CCDC171: variants seen among roughly 807,000 people sequenced by gnomAD.
The protein encoded by CCDC171 is coiled-coil domain-containing protein 171.
Under a neutral mutation model 168.2 loss-of-function variants are expected in CCDC171, and 177 were observed. The ratio of observed to expected loss-of-function variants is 1.05; its 90% CI spans 0.93 to 1.19. The LOEUF is 1.19. CCDC171 is among the 50% of genes most tolerant of loss of function. The pLI is 0.00. For missense variants in CCDC171, 1,991 were observed against 1,539.0 expected, an observed-to-expected ratio of 1.29 and a Z score of -4.91; for synonymous variants, 687 against 540.8, an observed-to-expected ratio of 1.27 and a Z score of -3.75.
chr9:15,840,401 G>A (rs1413769198), intron 21 of CCDC171, among the ~76,000 whole-genome samples: 1 of 151,938 alleles, frequency 6.6e-6, no homozygotes, highest in Non-Finnish European at 1.5e-5. Context: ...GCAATTTTTT[G>A]GACCTCCACA....
intron 18 of CCDC171, among the ~76,000 whole-genome samples, chr9:15,766,752 C>T (rs1027708418): frequency 6.6e-6 from 1 of 152,004 alleles, no homozygotes; most frequent in East Asian, 1.9e-4. Flanking sequence ...AATTTCTGGG[C>T]CCAAGGGATC....
At chr9:16,023,509 A>G (rs1452610030) in intron 6 of CCDC171, among the ~76,000 whole-genome samples, 2 of 152,170 alleles carry the variant, frequency 1.3e-5, no homozygotes, top group East Asian at 1.9e-4. Context: ...TTATTCCTAT[A>G]GCTTGAGGCA....
intron 21 of CCDC171, among the ~76,000 whole-genome samples, chr9:15,804,085 C>T (rs572677141): frequency 6.6e-6 from 1 of 152,056 alleles, no homozygotes; most frequent in African/African-American, 2.4e-5. Flanking sequence ...GATTTTGTAT[C>T]CTGAGACTTT....
intron 25 of CCDC171, among the ~76,000 whole-genome samples, chr9:15,944,462 T>A (rs947383210): frequency 1.3e-5 from 2 of 152,050 alleles, no homozygotes; most frequent in African/African-American, 4.8e-5. Context: ...TCTAATACTT[T>A]CCATGTGTGA....
chr9:16,012,812 T>C (rs1832904937), intron 3 of CCDC171, among the ~76,000 whole-genome samples: 1 of 152,302 alleles, frequency 6.6e-6, no homozygotes, highest in South Asian at 2.1e-4. Flanking sequence ...TATTTGTTCA[T>C]GGATGATAGG....
chr9:15,564,040 A>G lies in CCDC171; in HGVS notation c.-49A>G, dbSNP rs2039526357. The G allele has an allele frequency of 1.4e-6, 2 of 1,450,070 alleles. No individual in the cohort carries two copies. The highest frequency in any genetic ancestry group is 1.8e-5 in the Admixed American group (1 of 54,996). The allele number at this position is 1,450,070 out of a possible 1,614,324, so 89.8% of individuals were successfully genotyped here. A position where few individuals can be genotyped will look rare whatever the true frequency, so the allele number is the denominator to read the frequency against. ...GGCAATTTTAATCATCAAGAAAGAAATATGTCATTAAGAAATAGCAGGGTA... is the reference window on the plus strand; with the variant it reads ...GGCAATTTTAATCATCAAGAAAGAAGTATGTCATTAAGAAATAGCAGGGTA... On this transcript the variant is annotated 5_prime_UTR_variant, in exon 2 of 26. Transcript: ENST00000380701.
intron 6 of CCDC171, among the ~76,000 whole-genome samples, chr9:16,034,510 A>C (rs1288044648): frequency 6.6e-6 from 1 of 152,200 alleles, no homozygotes; most frequent in Non-Finnish European, 1.5e-5. Context: ...CAACTGCAGG[A>C]GACACTGTTG....
chr9:16,067,161 G>T, the CCDC171 span, among the ~76,000 whole-genome samples: 7 of 151,998 alleles, frequency 4.6e-5, no homozygotes, highest in South Asian at 2.1e-4. Flanking sequence ...ATTCTAACTG[G>T]TGTGAGATGG....
At chr9:15,801,882 T>C (rs1253536443) in intron 21 of CCDC171, among the ~76,000 whole-genome samples, 1 of 152,124 alleles carries the variant, frequency 6.6e-6, no homozygotes, top group Non-Finnish European at 1.5e-5. Context: ...GAAATGATTA[T>C]ATGGTTTTTG....
At chr9:16,014,927 A>G (rs1221643445) in intron 3 of CCDC171, among the ~76,000 whole-genome samples, 2 of 152,102 alleles carry the variant, frequency 1.3e-5, no homozygotes, top group East Asian at 3.9e-4. Flanking sequence ...GCTTCAAGTT[A>G]AAGTCACCAG....
chr9:15,582,736 A>G (rs2041231460), intron 4 of CCDC171, among the ~76,000 whole-genome samples: 1 of 152,078 alleles, frequency 6.6e-6, no homozygotes, highest in Admixed American at 6.5e-5. Context: ...GAACAGTGAG[A>G]ACACATGGAC....
At position 15,779,054 on chromosome 9, in the gene CCDC171, A is replaced by T. The variant is rs1225471283; in HGVS notation, c.2985A>T (p.Leu995Phe). ...AAGTGGAGCGCCGCTCACTACGCTT[A>T]GAGGTCACAGAATTCAAACGAAGTG... ...AAEVERRSLR[L>F]EVTEFKRSVN... The change falls in exon 20 of 26, where the codon TTA becomes TTT. Residue 995 changes from leucine to phenylalanine, a missense_variant. By Grantham distance (22) the Leu-to-Phe change is conservative. Transcript: ENST00000380701. 6.2e-7 allele frequency: 1 copy of T among 1,605,868 alleles called. No individual in the cohort carries two copies. Among genetic ancestry groups the T allele is most frequent in the Admixed American group, 1.7e-5 (1 of 58,760 alleles).
At chr9:15,806,526 C>T (rs565113347) in intron 21 of CCDC171, among the ~76,000 whole-genome samples, 1 of 152,252 alleles carries the variant, frequency 6.6e-6, no homozygotes, top group Non-Finnish European at 1.5e-5. Context: ...ATCCTTGGTT[C>T]AAGATGTTTT....
At chr9:15,834,976 CAG>C (rs374738637) in intron 21 of CCDC171, among the ~76,000 whole-genome samples, 84 of 152,266 alleles carry the variant, frequency 5.5e-4, no homozygotes, top group African/African-American at 1.9e-3. Context: ...TCCTGTGACA[CAG>C]AACATAGAGT....
intron 9 of CCDC171, among the ~76,000 whole-genome samples, chr9:15,675,623 C>T (rs1403766946): frequency 6.6e-6 from 1 of 152,154 alleles, no homozygotes; most frequent in African/African-American, 2.4e-5. Context: ...ATTTCTCCTT[C>T]ACTTATGAAG....
In CCDC171 at chr9:15,777,601, T is replaced by C; in HGVS notation, c.2673T>C (p.Asp891=). 6.3e-7 allele frequency: 1 copy of C among 1,599,108 alleles called. No homozygotes were observed. Among genetic ancestry groups the C allele is most frequent in the Non-Finnish European group, 8.5e-7 (1 of 1,174,086 alleles). Residue 891 remains aspartate (D), a splice_region_variant and synonymous_variant, in exon 19 of 26, where the codon GAT becomes GAC. Transcript: ENST00000380701. ...GCCTTTTTTTCTTTTTCTTTGAAGA[T>C]CCAAATTCCAGAATTTGTGGACATT... ...AELQDVIGKA[D]PNSRICGHLL... is the part of the protein sequence containing the mutation.
intron 1 of CCDC171, among the ~76,000 whole-genome samples, chr9:15,558,272 C>G (rs1158746494): frequency 2.0e-5 from 3 of 152,102 alleles, no homozygotes; most frequent in Admixed American, 2.0e-4. Flanking sequence ...AGGGAGGATT[C>G]CCTCTTTTTC....
chr9:15,980,272 C>G (rs557193078), intron 3 of CCDC171, among the ~76,000 whole-genome samples: 1 of 152,106 alleles, frequency 6.6e-6, no homozygotes, highest in Non-Finnish European at 1.5e-5. Context: ...TAATCTGCCC[C>G]CGAATTCAAA....
At chr9:16,005,772 A>T (rs1202511312) in intron 3 of CCDC171, among the ~76,000 whole-genome samples, 1 of 152,156 alleles carries the variant, frequency 6.6e-6, no homozygotes, top group East Asian at 1.9e-4. Flanking sequence ...GCATCCATAG[A>T]TTTTGGTGTC....
Sources: gnomAD v4.1 joint callset for allele counts (sites outside exome capture counted in the v4.1 genomes callset) on GRCh38, gnomAD v4.1.1 for gene constraint, MANE v1.5 for transcripts, NCBI Gene and HGNC (gene_info 2026-07-23, HGNC 2026-07-21) for gene names.